Variants in ROBO2 observed in about 807,000 individuals in gnomAD.
ROBO2 encodes roundabout homolog 2.
ROBO2 carries 53 observed loss-of-function variants against 160.8 expected under a neutral mutation model. The ratio of observed to expected loss-of-function variants is 0.33; its 90% CI spans 0.26 to 0.41. ROBO2 has a LOEUF of 0.41. Among genes scored for constraint, ROBO2 ranks in the 10% least tolerant of loss-of-function variants. ROBO2 has a pLI of 1.00. For missense variants in ROBO2, 1,577 were observed against 1,722.4 expected (o/e 0.92, Z 1.49); for synonymous variants, 664 against 611.7 (o/e 1.09, Z -1.26).
At chr3:76,194,757 C>T (rs1454741149) in intron 2 of ROBO2, among the ~76,000 whole-genome samples, 2 of 152,006 alleles carry the variant, frequency 1.3e-5, no homozygotes, top group African/African-American at 4.8e-5. Context: ...GTAGCTGGGA[C>T]TACAGGCGCC....
intron 2 of ROBO2, among the ~76,000 whole-genome samples, chr3:76,567,644 T>C (rs1453524652): frequency 1.1e-3 from 105 of 98,684 alleles, no homozygotes; most frequent in African/African-American, 3.6e-3. Context: ...TATATATATA[T>C]ATATATATAC....
chr3:75,969,038 C>T (rs1487167668), intron 2 of ROBO2, among the ~76,000 whole-genome samples: 1 of 150,988 alleles, frequency 6.6e-6, no homozygotes, highest in African/African-American at 2.4e-5. Flanking sequence ...ATTTTTCTTT[C>T]CATGTCTGGT....
intron 2 of ROBO2, among the ~76,000 whole-genome samples, chr3:76,164,349 A>G (rs1166113767): frequency 6.6e-6 from 1 of 152,182 alleles, no homozygotes; most frequent in East Asian, 1.9e-4. Context: ...TGAATCACAA[A>G]TGTCCTTAAT....
intron 2 of ROBO2, among the ~76,000 whole-genome samples, chr3:76,285,672 G>A (rs747400194): frequency 4.6e-5 from 7 of 152,014 alleles, no homozygotes; most frequent in Non-Finnish European, 2.9e-5. Flanking sequence ...GAAACTAATT[G>A]TAATATTATA....
intron 2 of ROBO2, among the ~76,000 whole-genome samples, chr3:76,394,490 A>C (rs2077322346): frequency 6.6e-6 from 1 of 152,102 alleles, no homozygotes; most frequent in South Asian, 2.1e-4. Flanking sequence ...CCGAGAGATC[A>C]GCTGTTAGTC....
At chr3:76,839,613 G>A (rs1294384447) in intron 2 of ROBO2, among the ~76,000 whole-genome samples, 2 of 152,110 alleles carry the variant, frequency 1.3e-5, no homozygotes, top group East Asian at 1.9e-4. Context: ...CAGAGATATT[G>A]GCCTGCAGTT....
chr3:76,513,912 T>C (rs1361119885), intron 2 of ROBO2, among the ~76,000 whole-genome samples: 2 of 152,184 alleles, frequency 1.3e-5, no homozygotes, highest in African/African-American at 4.8e-5. Flanking sequence ...AAAATAACCA[T>C]AATATCATTA....
intron 2 of ROBO2, among the ~76,000 whole-genome samples, chr3:77,110,557 A>G (rs1036132829): frequency 4.6e-5 from 7 of 151,594 alleles, no homozygotes; most frequent in Non-Finnish European, 1.0e-4. Flanking sequence ...ATAAATGAAC[A>G]GAACCTTGAC....
intron 2 of ROBO2, among the ~76,000 whole-genome samples, chr3:76,653,748 A>G (rs572851501): frequency 3.9e-5 from 6 of 152,328 alleles, no homozygotes; most frequent in African/African-American, 1.2e-4. Flanking sequence ...CAATTAAAGC[A>G]TTTTATAACT....
At position 77,249,665 on chromosome 3, in the gene ROBO2, A is replaced by T. The variant is rs188253405; in HGVS notation, c.388+151325A>T. Among the ~76,000 whole-genome samples, 211 of 152,276 alleles carry T rather than the reference A, an allele frequency of 1.4e-3. 2 individuals are homozygous for T. The highest frequency in any genetic ancestry group is 4.2e-3 in the African/African-American group (176 of 41,568). On this transcript the variant is annotated intron_variant, in intron 2 of 25. Transcript: ENST00000461745. ...AATGTTATAGTTGCCCAAGTACTTAAACATACAAAACTTAAACCTAGTTAT... is the reference window on the plus strand; with the variant it reads ...AATGTTATAGTTGCCCAAGTACTTATACATACAAAACTTAAACCTAGTTAT...
At chr3:76,216,216 G>A (rs1703514440) in intron 2 of ROBO2, among the ~76,000 whole-genome samples, 1 of 152,212 alleles carries the variant, frequency 6.6e-6, no homozygotes, top group African/African-American at 2.4e-5. Flanking sequence ...ATGCCAAATT[G>A]TAAAGATCGT....
At chr3:76,268,077 A>G (rs1309675427) in intron 2 of ROBO2, among the ~76,000 whole-genome samples, 1 of 152,186 alleles carries the variant, frequency 6.6e-6, no homozygotes, top group Non-Finnish European at 1.5e-5. Context: ...ACCCTGGGCA[A>G]CATGGTGAGA....
Position 76,096,577 on chromosome 3 carries a change from A to G in ROBO2, c.109+158975A>G, listed in dbSNP as rs1043490448. 7.9e-5 allele frequency among the ~76,000 whole-genome samples: 12 copies of G among 152,318 alleles called. No individual in the cohort carries two copies. In the East Asian group the frequency reaches 2.3e-3, roughly 29 times the overall value. On this transcript the variant is annotated intron_variant, in intron 2 of 26. Coordinates refer to the ROBO2 transcript ENST00000487694. ...GTTAGGTCATTTATTGATTTGTTTT[A>G]GAATTTATCTCTGAATTTCTATAGA...
At chr3:75,926,253 T>A (rs187546748) in intron 1 of ROBO2, among the ~76,000 whole-genome samples, 96 of 152,300 alleles carry the variant, frequency 6.3e-4, no homozygotes, top group African/African-American at 2.3e-3. Flanking sequence ...TTATTTAAAT[T>A]TTAGCTTTTA....
intron 2 of ROBO2, among the ~76,000 whole-genome samples, chr3:76,166,444 G>C (rs867732565): frequency 6.6e-6 from 1 of 151,964 alleles, no homozygotes; most frequent in Admixed American, 6.6e-5. Context: ...CCTCATCATC[G>C]TCTAATTTAC....
chr3:75,932,237 A>G (rs1947575625), intron 1 of ROBO2, among the ~76,000 whole-genome samples: 1 of 152,164 alleles, frequency 6.6e-6, no homozygotes, highest in Non-Finnish European at 1.5e-5. Flanking sequence ...TTGGAAGATT[A>G]CTACTAAATC....
chr3:76,656,874 A>T (rs1229214416), intron 2 of ROBO2, among the ~76,000 whole-genome samples: 1 of 152,144 alleles, frequency 6.6e-6, no homozygotes, highest in Non-Finnish European at 1.5e-5. Flanking sequence ...ATGCAAAATT[A>T]AAAGTTAGCA....
At chr3:76,540,435 C>T (rs781062348) in intron 2 of ROBO2, among the ~76,000 whole-genome samples, 1 of 152,172 alleles carries the variant, frequency 6.6e-6, no homozygotes, top group African/African-American at 2.4e-5. Flanking sequence ...TATTACATCC[C>T]TTTGCTCATT....
chr3:77,228,184 T>C (rs911561772), intron 2 of ROBO2, among the ~76,000 whole-genome samples: 2 of 152,124 alleles, frequency 1.3e-5, no homozygotes, highest in African/African-American at 4.8e-5. Context: ...TTTCTTTTTT[T>C]GAGACAGAGG....
Sources: gnomAD v4.1 joint callset for allele counts (sites outside exome capture counted in the v4.1 genomes callset) on GRCh38, gnomAD v4.1.1 for gene constraint, MANE v1.5 for transcripts, NCBI Gene and HGNC (gene_info 2026-07-23, HGNC 2026-07-21) for gene names.